SP140L: variants seen among roughly 807,000 people sequenced by gnomAD.
The protein encoded by SP140L is SP140 like nuclear body protein.
In SP140L, 64 loss-of-function variants were observed where a neutral mutation model predicts 84.3. The ratio of observed to expected loss-of-function variants is 0.76; its 90% CI spans 0.62 to 0.94. The LOEUF is 0.94. Among genes scored for constraint, SP140L ranks in the 40% least tolerant of loss-of-function variants. The pLI is 0.00. For synonymous variants in SP140L, 242 were observed against 236.9 expected (o/e 1.02, Z -0.20); for missense variants, 628 against 692.5 (o/e 0.91, Z 1.05).
At chr2:230,402,648 GCTTTGTA>G in intron 18 of SP140L, 143 bp from the exon 19 acceptor site, 1 of 622,494 alleles carries the variant, frequency 1.6e-6, no homozygotes, top group East Asian at 3.1e-5. Flanking sequence ...TCACAACACT[GCTTTGTA>G]CTCCAAAATA....
chr2:230,365,668 TA>T (rs1231571359), intron 5 of SP140L, among the ~76,000 whole-genome samples: 1 of 152,032 alleles, frequency 6.6e-6, no homozygotes. Flanking sequence ...TTCTTTCTAC[TA>T]ATCTTGGCTT....
intron 2 of SP140L, among the ~76,000 whole-genome samples, chr2:230,347,890 G>T (rs1480034236): frequency 2.0e-5 from 3 of 152,208 alleles, no homozygotes; most frequent in African/African-American, 7.2e-5. Flanking sequence ...CTCTGCTAGG[G>T]TGCTGATGGC....
intron 9 of SP140L, among the ~76,000 whole-genome samples, chr2:230,388,004 G>A (rs2061656160): frequency 6.6e-6 from 1 of 152,094 alleles, no homozygotes; most frequent in South Asian, 2.1e-4. Flanking sequence ...TCTCACCTAT[G>A]GAGCACCTAA....
At chr2:230,327,724 G>A (rs1368118344) in intron 1 of SP140L, among the ~76,000 whole-genome samples, 2 of 152,176 alleles carry the variant, frequency 1.3e-5, no homozygotes, top group South Asian at 4.1e-4. Context: ...CATATGTCAT[G>A]TCAAAGAAGG....
Position 230,361,791 on chromosome 2 carries a change from AACAGGGAAGAC to A in SP140L, c.523+104_523+114del, listed in dbSNP as rs1025463799. 4.8e-5 allele frequency: 44 copies of A among 917,784 alleles called. No individual in the cohort carries two copies. The East Asian group carries it at 1.2e-3, about 24-fold the overall frequency. The allele number at this position is 917,784 out of a possible 1,614,324, so 56.9% of individuals were successfully genotyped here. On this transcript the variant is annotated intron_variant, in intron 5 of 18. Coordinates refer to ENST00000415673, the MANE Select transcript of SP140L (RefSeq NM_138402.6). ...CCAAGGTCCTGAGGGGAAATTGTGA[AACAGGGAAGAC>A]ACAGGGAAGGACCATGGAGAAGTCA... is the stretch of plus-strand genomic sequence containing the variant.
At chr2:230,339,706 C>T (rs1464521724) in intron 2 of SP140L, among the ~76,000 whole-genome samples, 6 of 143,064 alleles carry the variant, frequency 4.2e-5, no homozygotes, top group African/African-American at 1.6e-4. Flanking sequence ...TCTTTGTTCT[C>T]GTTGGTTTCA....
At chr2:230,349,301 A>G (rs1225016195) in intron 2 of SP140L, among the ~76,000 whole-genome samples, 1 of 152,178 alleles carries the variant, frequency 6.6e-6, no homozygotes, top group African/African-American at 2.4e-5. Context: ...GAAAGTATAA[A>G]TCTTCCAACT....
chr2:230,374,913 A>C (rs1463458906), intron 7 of SP140L, among the ~76,000 whole-genome samples: 2 of 152,200 alleles, frequency 1.3e-5, no homozygotes, highest in Non-Finnish European at 2.9e-5. Context: ...CTTTATTGCA[A>C]TATTCACTTC....
At chr2:230,336,609 A>G (rs867736196) in intron 2 of SP140L, among the ~76,000 whole-genome samples, 35 of 152,220 alleles carry the variant, frequency 2.3e-4, no homozygotes, top group African/African-American at 7.7e-4. Context: ...TAACCTCTTC[A>G]TTACACATCT....
chr2:230,392,007 T>C (rs2061830993), intron 11 of SP140L, 80 bp from the exon 12 acceptor site: 1 of 1,584,762 alleles, frequency 6.3e-7, no homozygotes, highest in Admixed American at 1.7e-5. Flanking sequence ...TGGGTGGCTC[T>C]AGATCCAATG....
At chr2:230,364,476 A>AT (rs1241429847) in intron 5 of SP140L, among the ~76,000 whole-genome samples, 3 of 152,052 alleles carry the variant, frequency 2.0e-5, no homozygotes, top group African/African-American at 4.8e-5. Flanking sequence ...AATGCAACAG[A>AT]TTTTTTATGT....
chr2:230,359,074 C>A lies in SP140L; in HGVS notation c.381C>A (p.Ser127Arg), dbSNP rs77976976. 3.7e-6 allele frequency: 6 copies of A among 1,613,148 alleles called. No homozygotes were observed. Among genetic ancestry groups the A allele is most frequent in the East Asian group, 2.2e-5 (1 of 44,874 alleles). The change falls in exon 4 of 19, where the codon AGC becomes AGA. Residue 127 changes from serine (S) to arginine (R), a missense_variant. Ser to Arg is a moderately radical substitution (Grantham distance 110). Around this residue, in one of 4 missense-constraint regions of SP140L, gnomAD observed 525 missense variants for 518.4 expected, o/e 1.01. Transcript: ENST00000415673. ...TGTCAGTTTTGGAAGCACTGTTCAG[C>A]GAGGTCAACATGCAGGAATACCCCG... The part of the protein sequence containing the change: ...FNLSVLEALF[S>R]EVNMQEYPDL...
At chr2:230,378,733 T>C (rs917167908) in intron 7 of SP140L, among the ~76,000 whole-genome samples, 7 of 152,254 alleles carry the variant, frequency 4.6e-5, no homozygotes, top group African/African-American at 1.7e-4. Flanking sequence ...GTAAATGTTC[T>C]ATGCCACTTG....
Position 230,388,697 on chromosome 2 carries a change from G to T in SP140L, c.859+64G>T, listed in dbSNP as rs1026445914. 4 of 1,308,752 alleles carry T rather than the reference G, an allele frequency of 3.1e-6. No individual in the cohort carries two copies. In the African/African-American group the frequency reaches 4.5e-5, roughly 15 times the overall value. 81.1% of individuals were successfully genotyped at this position (1,308,752 alleles called of 1,614,324 possible). On this transcript the variant is annotated intron_variant, in intron 10 of 18. Coordinates refer to ENST00000415673, the MANE Select transcript of SP140L (RefSeq NM_138402.6). ...CATCTAATTTCCTGTGCTTTATGCT[G>T]TATTTTCAGTAATAAACCTATTTCT...
chr2:230,371,743 A>G (rs2061080062), intron 7 of SP140L, 92 bp downstream of exon 7: 1 of 1,164,904 alleles, frequency 8.6e-7, no homozygotes, highest in African/African-American at 1.6e-5. Context: ...TGTTTCTGTT[A>G]TTATTTGCAA....
At chr2:230,381,031 C>T (rs2061386882) in intron 7 of SP140L, among the ~76,000 whole-genome samples, 1 of 152,110 alleles carries the variant, frequency 6.6e-6, no homozygotes, top group Admixed American at 6.5e-5. Flanking sequence ...GTTCTTTCCC[C>T]TCAAGACCCA....
chr2:230,341,495 C>T (rs2060041686), intron 2 of SP140L, among the ~76,000 whole-genome samples: 1 of 149,390 alleles, frequency 6.7e-6, no homozygotes, highest in Non-Finnish European at 1.5e-5. Flanking sequence ...CTCAGCTCGT[C>T]AAAGTCATTC....
intron 14 of SP140L, 72 bp from the exon 15 acceptor site, chr2:230,400,055 C>T: frequency 6.5e-7 from 1 of 1,532,250 alleles, no homozygotes; most frequent in Non-Finnish European, 9.0e-7. Flanking sequence ...GCAGTGTGTT[C>T]TAGATGCCCA....
At chr2:230,390,366 T>G (rs2061751040) in intron 11 of SP140L, among the ~76,000 whole-genome samples, 1 of 152,044 alleles carries the variant, frequency 6.6e-6, no homozygotes. Context: ...CCTTCTGGAG[T>G]GCTGTCACCA....
Sources: gnomAD v4.1 joint callset for allele counts (sites outside exome capture counted in the v4.1 genomes callset) on GRCh38, gnomAD v4.1.1 for gene constraint, gnomAD v4.1.1 regional missense constraint, MANE v1.5 for transcripts, NCBI Gene and HGNC (gene_info 2026-07-23, HGNC 2026-07-21) for gene names.